The following NBPF15 variants were observed in gnomAD, a reference collection of about 807,000 sequenced individuals.
The protein encoded by NBPF15 is NBPF member 15.
Under a neutral mutation model 62.2 loss-of-function variants are expected in NBPF15, and 74 were observed. The observed-to-expected ratio is 1.19, with a 90% CI of 0.99 to 1.44. The LOEUF (loss-of-function observed/expected upper bound fraction) is 1.44, where lower values mean the gene tolerates loss of function less well. Ranked by LOEUF, NBPF15 falls within the 40% of genes most tolerant of loss-of-function variation. The pLI is 0.00. For missense variants in NBPF15, 790 were observed against 550.0 expected (o/e 1.44, Z -4.36); for synonymous variants, 244 against 209.7 (o/e 1.16, Z -1.41).
intron 13 of NBPF15, among the ~76,000 whole-genome samples, chr1:144,430,397 G>A (rs587630745): frequency 1.3e-5 from 2 of 151,564 alleles, no homozygotes; most frequent in East Asian, 1.9e-4. Context: ...AAACACATGG[G>A]AGAGAATAGG....
At chr1:144,457,829 C>T (rs1553547451) in intron 3 of NBPF15, among the ~76,000 whole-genome samples, 2 of 152,068 alleles carry the variant, frequency 1.3e-5, no homozygotes, top group African/African-American at 4.8e-5. Context: ...ATGGCTTATG[C>T]CTGTAATCCC....
chr1:144,438,854 G>A (rs1323624698), intron 8 of NBPF15, among the ~76,000 whole-genome samples: 2 of 151,848 alleles, frequency 1.3e-5, no homozygotes, highest in Non-Finnish European at 2.9e-5. Flanking sequence ...TCTGTACACT[G>A]CACTGTTATC....
In NBPF15 at chr1:144,435,264, A is replaced by G. The variant is rs1571126789; in HGVS notation, c.619T>C (p.Cys207Arg). 3 of 1,612,570 alleles carry G rather than the reference A, an allele frequency of 1.9e-6. No individual in the cohort carries two copies. The South Asian group carries it at 3.3e-5, about 18-fold the overall frequency. ...TGGCTATTTGAACAAGTGATGGCAC[A>G]TTCCTCCAGTGAGTCCTCAGGGACT... is the stretch of plus-strand genomic sequence containing the variant. Reference protein sequence around the residue: ...KEVPEDSLEECAITCSNSHGP... With the variant: ...KEVPEDSLEERAITCSNSHGP... Residue 207 changes from cysteine (C) to arginine (R), a missense_variant, in exon 12 of 22, where the codon TGT (cysteine) becomes CGT (arginine). By Grantham distance (180) the Cys-to-Arg change is radical (BLOSUM62 -3). Transcript: ENST00000581897.
intron 3 of NBPF15, among the ~76,000 whole-genome samples, chr1:144,457,429 G>T (rs1387336601): frequency 1.3e-5 from 2 of 151,864 alleles, no homozygotes; most frequent in Non-Finnish European, 2.9e-5. Flanking sequence ...ACATACAAAG[G>T]TTTATTTTTC....
At chr1:144,453,162 A>T (rs1244313894) in intron 4 of NBPF15, among the ~76,000 whole-genome samples, 3 of 148,774 alleles carry the variant, frequency 2.0e-5, no homozygotes, top group Admixed American at 6.8e-5. Flanking sequence ...ATGGAAAAGA[A>T]TACGGAGCCC....
At chr1:144,431,629 C>T (rs1182511949) in intron 13 of NBPF15, among the ~76,000 whole-genome samples, 80 of 119,518 alleles carry the variant, frequency 6.7e-4, no homozygotes, top group African/African-American at 2.4e-3. Flanking sequence ...TCTCCTAATG[C>T]TACCCCTCCT....
Position 144,436,885 on chromosome 1 carries a change from G to A in NBPF15, c.493+10C>T. ...GGATTTTGGGTCATCAGGGCCTATG[G>A]CCACCTTACCTGGGCTGAGCTTTTG... On this transcript the variant is annotated intron_variant, in intron 10 of 21. Transcript: ENST00000581897. 2 of 1,611,750 alleles carry A rather than the reference G, an allele frequency of 1.2e-6. No homozygotes were observed.
Position 144,423,938 on chromosome 1 carries a change from T to A in NBPF15, c.1701A>T (p.Gly567=), listed in dbSNP as rs1667629402. The change falls in exon 21 of 22, where the codon GGA becomes GGT. Residue 567 remains glycine (G), a synonymous_variant. Transcript: ENST00000581897. ...TTCTTCTTTTCTTCTTTGATCTTCTTCCCCTTCTTTTCTTCCCCTTCCCCT... is the reference window on the plus strand; with the variant it reads ...TTCTTCTTTTCTTCTTTGATCTTCTACCCCTTCTTTTCTTCCCCTTCCCCT... ...EKKGKGKKRR[G]RRSKKKRRRG... 1 of 784,940 alleles carries A rather than the reference T, an allele frequency of 1.3e-6. No homozygotes were observed. The highest frequency in any genetic ancestry group is 2.3e-6 in the Non-Finnish European group (1 of 436,290). 48.6% of individuals were successfully genotyped at this position (784,940 alleles called of 1,614,324 possible). A position where few individuals can be genotyped will look rare whatever the true frequency, so the allele number is the denominator to read the frequency against.
intron 6 of NBPF15, among the ~76,000 whole-genome samples, chr1:144,444,201 C>A (rs1188354309): frequency 6.7e-6 from 1 of 150,160 alleles, no homozygotes; most frequent in East Asian, 2.0e-4. Flanking sequence ...CAGGCCAGGT[C>A]TCACTAACAC....
At chr1:144,446,567 C>T (rs1284371018) in intron 6 of NBPF15, among the ~76,000 whole-genome samples, 1 of 152,202 alleles carries the variant, frequency 6.6e-6, no homozygotes, top group African/African-American at 2.4e-5. Context: ...TTCAAATCTG[C>T]CCTTAATGGG....
At chr1:144,448,051 C>A (rs587721209) in intron 6 of NBPF15, among the ~76,000 whole-genome samples, 1 of 152,056 alleles carries the variant, frequency 6.6e-6, no homozygotes, top group Non-Finnish European at 1.5e-5. Flanking sequence ...CGCTTCTTCA[C>A]CTTTTCAATA....
At position 144,427,868 on chromosome 1, in the gene NBPF15, G is replaced by T; in HGVS notation, c.1163C>A (p.Ala388Asp). Reference sequence around the variant, plus strand: ...ACGCTGTTGCTCCAATACGTAAAAGGCACTTCTGTAGGGCTGGCATGAGTC... The same window carrying T: ...ACGCTGTTGCTCCAATACGTAAAAGTCACTTCTGTAGGGCTGGCATGAGTC... The part of the protein sequence containing the change: ...LTDSCQPYRS[A>D]FYVLEQQRVG... The change falls in exon 16 of 22, where the codon GCC becomes GAC. Residue 388 changes from alanine to aspartate, a missense_variant. Ala to Asp is a moderately radical substitution (Grantham distance 126, BLOSUM62 -2). Coordinates refer to ENST00000581897, the MANE Select transcript of NBPF15 (RefSeq NM_001385408.1). 2 of 673,334 alleles carry T rather than the reference G, an allele frequency of 3.0e-6. No individual in the cohort carries two copies. The highest frequency in any genetic ancestry group is 1.7e-5 in the South Asian group (1 of 58,276). The allele number at this position is 673,334 out of a possible 1,614,324, so 41.7% of individuals were successfully genotyped here.
intron 20 of NBPF15, among the ~76,000 whole-genome samples, chr1:144,424,238 C>T (rs1297415720): frequency 6.6e-6 from 1 of 151,822 alleles, no homozygotes; most frequent in African/African-American, 2.4e-5. Flanking sequence ...AACAGTTATG[C>T]CATATTTTTC....
intron 20 of NBPF15, among the ~76,000 whole-genome samples, 177 bp downstream of exon 20, chr1:144,424,513 C>G (rs1327910942): frequency 3.3e-5 from 5 of 151,964 alleles, no homozygotes; most frequent in African/African-American, 9.7e-5. Context: ...GCTCACTGAC[C>G]CATCCCTTGT....
At chr1:144,442,888 A>T (rs1437248260) in intron 6 of NBPF15, 1 of 208,836 alleles carries the variant, frequency 4.8e-6, no homozygotes, top group East Asian at 1.2e-4. Context: ...CTTCAACGTC[A>T]TTGTCACCAT....
At chr1:144,432,940 C>A (rs1248911702) in intron 13 of NBPF15, among the ~76,000 whole-genome samples, 1 of 151,588 alleles carries the variant, frequency 6.6e-6, no homozygotes, top group Non-Finnish European at 1.5e-5. Flanking sequence ...GAACTCAGCT[C>A]TCCACCAAGC....
intron 6 of NBPF15, among the ~76,000 whole-genome samples, chr1:144,442,218 A>AAT (rs1213297313): frequency 4.7e-5 from 5 of 106,862 alleles, no homozygotes; most frequent in Admixed American, 1.0e-4. Context: ...TAATATATAT[A>AAT]ATATATATAT....
chr1:144,458,692 G>C (rs1370718278), intron 3 of NBPF15, among the ~76,000 whole-genome samples: 2 of 151,724 alleles, frequency 1.3e-5, no homozygotes, highest in Admixed American at 1.3e-4. Flanking sequence ...AGAAGGAAAA[G>C]GATAGTCTTT....
At chr1:144,458,073 C>T (rs1368862360) in intron 3 of NBPF15, among the ~76,000 whole-genome samples, 12 of 150,344 alleles carry the variant, frequency 8.0e-5, no homozygotes, top group East Asian at 5.9e-4. Flanking sequence ...GGCAACAGAG[C>T]GAGACACTGT....
Sources: allele counts gnomAD v4.1 joint callset (sites outside exome capture counted in the v4.1 genomes callset), GRCh38; gene constraint gnomAD v4.1.1; transcripts MANE v1.5; gene names NCBI Gene and HGNC (gene_info 2026-07-23, HGNC 2026-07-21).